Variants in RYR2 observed in about 807,000 individuals in gnomAD.
RYR2 encodes ryanodine receptor 2, also known as cardiac muscle ryanodine receptor-calcium release channel.
Under a neutral mutation model 601.1 loss-of-function variants are expected in RYR2, and 227 were observed. The ratio of observed to expected loss-of-function variants is 0.38; its 90% CI spans 0.34 to 0.42. The LOEUF (loss-of-function observed/expected upper bound fraction) is 0.42. RYR2 is among the 10% of genes least tolerant of loss of function. The probability of loss-of-function intolerance (pLI) is 1.00; values close to 1 mark genes in which losing one functional copy is unlikely to be tolerated. For missense variants in RYR2, 4,646 were observed against 6,156.5 expected, an observed-to-expected ratio of 0.75 and a Z score of 8.21; for synonymous variants, 2,223 against 2,175.1, an observed-to-expected ratio of 1.02 and a Z score of -0.61.
chr1:237,282,286 C>T (rs767086674), intron 2 of RYR2, among the ~76,000 whole-genome samples: 8 of 151,556 alleles, frequency 5.3e-5, no homozygotes, highest in South Asian at 2.1e-4. Context: ...TGAAAGTGGC[C>T]GTGGACCATA....
chr1:237,758,010 T>C (rs1444098906), intron 82 of RYR2, among the ~76,000 whole-genome samples: 4 of 152,190 alleles, frequency 2.6e-5, no homozygotes, highest in South Asian at 2.1e-4. Context: ...CCTTTTATCA[T>C]GTCAAATGAA....
At chr1:237,568,328 G>T (rs759061895) in intron 28 of RYR2, among the ~76,000 whole-genome samples, 2 of 152,110 alleles carry the variant, frequency 1.3e-5, no homozygotes, top group African/African-American at 4.8e-5. Context: ...GTAACGTACC[G>T]ATTCACAATG....
At chr1:237,071,738 GC>G (rs1359365228) in intron 1 of RYR2, among the ~76,000 whole-genome samples, 1 of 152,164 alleles carries the variant, frequency 6.6e-6, no homozygotes, top group East Asian at 1.9e-4. Flanking sequence ...GAACCTGTTT[GC>G]CCCCTGTGGC....
chr1:237,320,480 A>G (rs1325744518), intron 2 of RYR2, among the ~76,000 whole-genome samples: 4 of 152,160 alleles, frequency 2.6e-5, no homozygotes, highest in African/African-American at 9.7e-5. Context: ...AGCTTCAACT[A>G]TAGGTTTATC....
chr1:237,061,301 A>G (rs1300430945), intron 1 of RYR2, among the ~76,000 whole-genome samples: 4 of 144,478 alleles, frequency 2.8e-5, no homozygotes, highest in Non-Finnish European at 6.2e-5. Flanking sequence ...CTATCTATCT[A>G]TCTATCTATC....
intron 1 of RYR2, among the ~76,000 whole-genome samples, chr1:237,067,458 A>G (rs999504850): frequency 2.6e-5 from 4 of 152,032 alleles, no homozygotes; most frequent in African/African-American, 4.8e-5. Flanking sequence ...GTGCAGGGCT[A>G]TTTCTGTGTT....
intron 16 of RYR2, among the ~76,000 whole-genome samples, chr1:237,463,981 A>C (rs61833789): frequency 6.6e-6 from 1 of 152,156 alleles, no homozygotes; most frequent in Non-Finnish European, 1.5e-5. Context: ...GGCAGAAACT[A>C]CTCTTAAACT....
At chr1:237,658,299 C>A (rs1683443169) in intron 54 of RYR2, among the ~76,000 whole-genome samples, 1 of 87,194 alleles carries the variant, frequency 1.1e-5, no homozygotes, top group Admixed American at 1.1e-4. Flanking sequence ...TATTGTTTAT[C>A]AGAGTAAAAA....
intron 2 of RYR2, among the ~76,000 whole-genome samples, chr1:237,308,541 C>T (rs1478142953): frequency 6.6e-6 from 1 of 152,028 alleles, no homozygotes; most frequent in Non-Finnish European, 1.5e-5. Flanking sequence ...GCCGCGGACC[C>T]TTGCGGTGAG....
intron 1 of RYR2, among the ~76,000 whole-genome samples, chr1:237,249,835 A>G (rs1687270817): frequency 6.6e-6 from 1 of 152,192 alleles, no homozygotes; most frequent in African/African-American, 2.4e-5. Context: ...AACATCTGTT[A>G]TATTCCAGGG....
chr1:237,422,072 C>T (rs936640445), intron 11 of RYR2, among the ~76,000 whole-genome samples: 14 of 152,200 alleles, frequency 9.2e-5, no homozygotes, highest in African/African-American at 2.2e-4. Flanking sequence ...TTGCATGGTA[C>T]GGTGTTAAGG....
chr1:237,261,522 C>T (rs577554137), intron 1 of RYR2, among the ~76,000 whole-genome samples: 144 of 152,306 alleles, frequency 9.5e-4, no homozygotes, highest in Non-Finnish European at 1.3e-3. Flanking sequence ...TGGATTGCTC[C>T]CCCTCCACTG....
chr1:237,581,848 G>A (rs969570039), intron 29 of RYR2, among the ~76,000 whole-genome samples: 2 of 152,122 alleles, frequency 1.3e-5, no homozygotes, highest in African/African-American at 4.8e-5. Flanking sequence ...ACTTGTCAGA[G>A]GAAGGAAGAA....
chr1:237,258,618 G>A (rs535533149), intron 1 of RYR2, among the ~76,000 whole-genome samples: 8 of 152,296 alleles, frequency 5.3e-5, no homozygotes, highest in African/African-American at 1.9e-4. Context: ...TTTAAGAAAA[G>A]TGTTCAAGAC....
At chr1:237,443,686 A>G (rs1162228584) in intron 13 of RYR2, among the ~76,000 whole-genome samples, 1 of 152,168 alleles carries the variant, frequency 6.6e-6, no homozygotes, top group East Asian at 1.9e-4. Flanking sequence ...AATTTCATAC[A>G]ATCTTTGTGT....
chr1:237,786,953 G>A (rs867703411), intron 91 of RYR2, among the ~76,000 whole-genome samples: 6 of 152,032 alleles, frequency 3.9e-5, no homozygotes, highest in African/African-American at 7.2e-5. Flanking sequence ...AGCAAGACAG[G>A]CATTTCAATG....
In RYR2 at chr1:237,640,903, A is replaced by G. The variant is rs1681398326; in HGVS notation, c.7122A>G (p.Thr2374=). 6.2e-7 allele frequency: 1 copy of G among 1,612,570 alleles called. No homozygotes were observed. Among genetic ancestry groups the G allele is most frequent in the Non-Finnish European group, 8.5e-7 (1 of 1,179,288 alleles). The part of the protein sequence containing the change: ...PNSGSSKTLD[T]EEEEDDTIHM... ...TTTGAAACATTCATGAAAGTGACAC[A>G]GAGGAGGAGGAAGATGACACTATCC... The change falls in exon 47 of 105, where the codon ACA becomes ACG. Residue 2374 remains threonine (T), a synonymous_variant. Coordinates refer to ENST00000366574, the MANE Select transcript of RYR2 (RefSeq NM_001035.3).
At chr1:237,331,024 C>T (rs750563700) in intron 3 of RYR2, 42 bp downstream of exon 3, 2 of 1,462,218 alleles carry the variant, frequency 1.4e-6, no homozygotes, top group South Asian at 1.1e-5. Context: ...TTTTAATGAG[C>T]TCAGCTACTA....
chr1:237,498,599 A>G (rs544206520), intron 20 of RYR2, among the ~76,000 whole-genome samples: 1 of 152,242 alleles, frequency 6.6e-6, no homozygotes, highest in African/African-American at 2.4e-5. Flanking sequence ...TTGATCGACA[A>G]TGCCAAGTTG....
Sources: allele counts gnomAD v4.1 joint callset (sites outside exome capture counted in the v4.1 genomes callset), GRCh38; gene constraint gnomAD v4.1.1; transcripts MANE v1.5; gene names NCBI Gene and HGNC (gene_info 2026-07-23, HGNC 2026-07-21).